The following C4orf50 variants were observed in gnomAD, a reference collection of about 807,000 sequenced individuals.
C4orf50 encodes chromosome 4 open reading frame 50, also known as uncharacterized protein C4orf50.
A neutral mutation model predicts 77.2 loss-of-function variants in C4orf50; 80 were observed. The observed-to-expected ratio is 1.04, with a 90% CI of 0.87 to 1.25. The LOEUF (loss-of-function observed/expected upper bound fraction) is 1.25, where lower values mean the gene tolerates loss of function less well. Among genes scored for constraint, C4orf50 ranks in the 50% most tolerant of loss-of-function variants. C4orf50 has a pLI of 0.00. For missense variants in C4orf50, 1,257 were observed against 1,152.9 expected, an observed-to-expected ratio of 1.09 and a Z score of -1.31; for synonymous variants, 532 against 465.3, an observed-to-expected ratio of 1.14 and a Z score of -1.84.
At chr4:5,947,603 T>C (rs1718537631) in intron 7 of C4orf50, among the ~76,000 whole-genome samples, 1 of 152,064 alleles carries the variant, frequency 6.6e-6, no homozygotes, top group Non-Finnish European at 1.5e-5. Context: ...CACCGACTGG[T>C]GAGAGGCAGA....
At chr4:5,998,247 T>C (rs535388719) in intron 25 of C4orf50, among the ~76,000 whole-genome samples, 2 of 152,356 alleles carry the variant, frequency 1.3e-5, no homozygotes, top group African/African-American at 4.8e-5. Flanking sequence ...ACTGGCGTTA[T>C]TTTTTAACTA....
intron 7 of C4orf50, among the ~76,000 whole-genome samples, chr4:5,915,887 T>A (rs1178277527): frequency 2.0e-5 from 3 of 152,252 alleles, no homozygotes; most frequent in Admixed American, 6.5e-5. Context: ...TCCTGAATGT[T>A]CCTTTTAGGC....
chr4:5,927,255 G>A (rs1482582575), intron 7 of C4orf50, among the ~76,000 whole-genome samples: 2 of 152,102 alleles, frequency 1.3e-5, no homozygotes, highest in Admixed American at 6.5e-5. Context: ...AGAGGGTCAT[G>A]TGTGCAAAGC....
chr4:5,987,273 T>C (rs968045503), intron 28 of C4orf50, among the ~76,000 whole-genome samples: 2 of 151,484 alleles, frequency 1.3e-5, no homozygotes, highest in African/African-American at 2.4e-5. Context: ...TAGCCGGGCA[T>C]GGCGGCATGT....
Position 5,908,847 on chromosome 4 carries a change from AAAG to A in C4orf50, c.*2475-10662_*2475-10660del, listed in dbSNP as rs1716666942. On this transcript the variant is annotated intron_variant, in intron 7 of 7. Coordinates refer to the C4orf50 transcript ENST00000324058. The surrounding 1 kb of genome is among the most constrained non-coding windows in gnomAD (Gnocchi z 5.6). ...TTTCTCTCACTCTGATCTGTAAATC[AAAG>A]AAGAACCAGCCTGACCTACTTCAAA... Among the ~76,000 whole-genome samples the A allele has an allele frequency of 6.6e-6, 1 of 152,196 alleles. No individual in the cohort carries two copies. The highest frequency in any genetic ancestry group is 2.4e-5 in the African/African-American group (1 of 41,456).
intron 25 of C4orf50, among the ~76,000 whole-genome samples, chr4:6,004,960 A>G (rs1287822406): frequency 6.6e-6 from 1 of 152,166 alleles, no homozygotes; most frequent in Non-Finnish European, 1.5e-5. Flanking sequence ...CATCCTCACA[A>G]CCACACCAGG....
chr4:5,922,000 A>G (rs1717295993), intron 7 of C4orf50, among the ~76,000 whole-genome samples: 1 of 152,180 alleles, frequency 6.6e-6, no homozygotes, highest in Non-Finnish European at 1.5e-5. Flanking sequence ...ATAACTAGGA[A>G]CAGCAGCCCC....
Position 6,003,678 on chromosome 4 carries a change from T to C in C4orf50, c.963+4318A>G, listed in dbSNP as rs111203606. ...ATGGTGATGATGGTGATGGTGATGA[T>C]AGTGATGATGGTGATGATAGTGATG... is the stretch of plus-strand genomic sequence containing the variant. On this transcript the variant is annotated intron_variant, in intron 25 of 33. Transcript: ENST00000531445. Among the ~76,000 whole-genome samples, 1,218 of 134,312 alleles carry C rather than the reference T, an allele frequency of 9.1e-3. 8 individuals are homozygous for C. The highest frequency in any genetic ancestry group is 0.024 in the African/African-American group (844 of 35,220). The allele number at this position is 134,312 out of a possible 152,430, so 88.1% of individuals were successfully genotyped here. A position where few individuals can be genotyped will look rare whatever the true frequency, so the allele number is the denominator to read the frequency against.
intron 7 of C4orf50, among the ~76,000 whole-genome samples, chr4:5,937,000 A>G (rs963980331): frequency 3.9e-5 from 6 of 152,154 alleles, no homozygotes; most frequent in African/African-American, 1.4e-4. Flanking sequence ...CTAGAATTCT[A>G]TATGAAGCTA....
At chr4:5,971,475 C>T (rs569622293) in intron 31 of C4orf50, among the ~76,000 whole-genome samples, 8 of 151,732 alleles carry the variant, frequency 5.3e-5, no homozygotes, top group East Asian at 2.0e-4. Context: ...TTCTGAAACA[C>T]ATCACAATTT....
exon 31 of C4orf50, chr4:5,973,773 C>T: frequency 6.2e-7 from 1 of 1,613,858 alleles, no homozygotes; most frequent in Non-Finnish European, 8.5e-7. Context: ...GTCTGTGCAG[C>T]TCCTGCAGCA....
chr4:5,966,707 T>C (rs1269790397), intron 32 of C4orf50, among the ~76,000 whole-genome samples: 1 of 150,326 alleles, frequency 6.7e-6, no homozygotes, highest in Non-Finnish European at 1.5e-5. Flanking sequence ...TGGAGTACAG[T>C]GGTGTTATCT....
chr4:5,926,178 G>T (rs1439539574), intron 7 of C4orf50, among the ~76,000 whole-genome samples: 2 of 152,188 alleles, frequency 1.3e-5, no homozygotes, highest in African/African-American at 4.8e-5. Flanking sequence ...AAAAAATGGA[G>T]ACAACCAAAA....
At chr4:5,983,157 G>A (rs6858773) in intron 28 of C4orf50, among the ~76,000 whole-genome samples, 7,379 of 152,218 alleles carry the variant, frequency 0.048, 589 homozygotes, top group African/African-American at 0.17. Flanking sequence ...TCCAGCCACC[G>A]ACTCCTCTCA....
intron 7 of C4orf50, among the ~76,000 whole-genome samples, chr4:5,912,539 A>G (rs2108731233): frequency 1.3e-5 from 2 of 152,324 alleles, no homozygotes; most frequent in East Asian, 3.9e-4. Flanking sequence ...TGATGGTGAA[A>G]GAGTGCACCA....
chr4:5,987,412 CAAAAAAA>C (rs58512584), intron 28 of C4orf50, among the ~76,000 whole-genome samples: 6 of 33,664 alleles, frequency 1.8e-4, no homozygotes, highest in African/African-American at 5.5e-4. Flanking sequence ...CTCTGTCTCA[CAAAAAAA>C]AAAAAAAAAA....
chr4:5,984,441 T>C (rs1193455027), intron 28 of C4orf50, among the ~76,000 whole-genome samples: 16 of 152,192 alleles, frequency 1.1e-4, no homozygotes. Context: ...AAAATAATTA[T>C]GATCTATGTA....
At chr4:5,928,363 T>C (rs201359164) in intron 7 of C4orf50, among the ~76,000 whole-genome samples, 27 of 146,530 alleles carry the variant, frequency 1.8e-4, no homozygotes, top group East Asian at 6.1e-4. Flanking sequence ...CACACACACA[T>C]ACACACACAC....
intron 7 of C4orf50, among the ~76,000 whole-genome samples, chr4:5,936,066 T>G (rs73210730): frequency 0.067 from 10,161 of 152,154 alleles, 435 homozygotes; most frequent in Non-Finnish European, 0.097. Context: ...AATTTTAGGT[T>G]ATTTTGGTAG....
Sources: allele counts gnomAD v4.1 joint callset (sites outside exome capture counted in the v4.1 genomes callset), GRCh38; gene constraint gnomAD v4.1.1; non-coding constraint Gnocchi (gnomAD v3.1); transcripts MANE v1.5; gene names NCBI Gene and HGNC (gene_info 2026-07-23, HGNC 2026-07-21).